PTP4A3: variants seen among roughly 807,000 people sequenced by gnomAD.
PTP4A3 encodes the protein protein tyrosine phosphatase 4A3.
PTP4A3 carries 9 observed loss-of-function variants against 15.2 expected under a neutral mutation model. That is an observed-to-expected ratio of 0.59 (90% CI 0.36 to 1.03). The LOEUF is 1.03. Among genes scored for constraint, PTP4A3 ranks in the 50% least tolerant of loss-of-function variants. The pLI, the probability that PTP4A3 is intolerant of heterozygous loss-of-function variation, is 0.02. For missense variants in PTP4A3, 234 were observed against 252.1 expected, an observed-to-expected ratio of 0.93 and a Z score of 0.49; for synonymous variants, 95 against 102.0, an observed-to-expected ratio of 0.93 and a Z score of 0.41.
chr8:141,403,394 G>A (rs1427823775), intron 1 of PTP4A3, among the ~76,000 whole-genome samples: 1 of 152,186 alleles, frequency 6.6e-6, no homozygotes, highest in African/African-American at 2.4e-5. Flanking sequence ...GGCCTGGCTG[G>A]GCCCAGGCTG....
At chr8:141,418,054 C>T (rs1227032389) in intron 1 of PTP4A3, among the ~76,000 whole-genome samples, 3 of 152,042 alleles carry the variant, frequency 2.0e-5, no homozygotes, top group Non-Finnish European at 4.4e-5. Flanking sequence ...CGGACCCAGG[C>T]CTTCCGGGAC....
intron 1 of PTP4A3, among the ~76,000 whole-genome samples, chr8:141,409,910 C>T (rs1832823753): frequency 6.6e-6 from 1 of 152,250 alleles, no homozygotes; most frequent in Non-Finnish European, 1.5e-5. Flanking sequence ...CTGCCACCCA[C>T]CTGGGCTGGG....
chr8:141,428,006 A>G (rs1162319399), intron 5 of PTP4A3, among the ~76,000 whole-genome samples, 182 bp downstream of exon 5: 1 of 152,096 alleles, frequency 6.6e-6, no homozygotes, highest in Non-Finnish European at 1.5e-5. Context: ...TGGGGACAGC[A>G]GCCCCCGAGT....
intron 1 of PTP4A3, among the ~76,000 whole-genome samples, chr8:141,410,795 A>G (rs1330410032): frequency 1.3e-5 from 2 of 152,154 alleles, no homozygotes; most frequent in African/African-American, 2.4e-5. Flanking sequence ...CAGGTCACAC[A>G]GCCCTGTGTG....
At chr8:141,398,253 T>C (rs1292773498) in intron 1 of PTP4A3, among the ~76,000 whole-genome samples, 2 of 152,218 alleles carry the variant, frequency 1.3e-5, no homozygotes, top group African/African-American at 4.8e-5. Context: ...GTCTCTGCTC[T>C]GCACTTGCCA....
chr8:141,430,788 G>A, intron 5 of PTP4A3, 139 bp from the exon 6 acceptor site: 1 of 739,230 alleles, frequency 1.4e-6, no homozygotes, highest in Non-Finnish European at 2.3e-6. Flanking sequence ...CCGTGCCAAG[G>A]CCCTGGGACA....
At chr8:141,427,142 T>C in intron 4 of PTP4A3, 73 bp downstream of exon 4, 1 of 1,562,434 alleles carries the variant, frequency 6.4e-7, no homozygotes, top group Admixed American at 1.7e-5. Context: ...GCCTCGCTTT[T>C]GGATGTGGGT....
chr8:141,395,466 A>G (rs1832420953), intron 1 of PTP4A3, among the ~76,000 whole-genome samples: 1 of 152,136 alleles, frequency 6.6e-6, no homozygotes, highest in Non-Finnish European at 1.5e-5. Flanking sequence ...GGATGACCAC[A>G]TGGCTCAGGG....
At chr8:141,427,204 G>T in intron 4 of PTP4A3, 135 bp downstream of exon 4, 1 of 1,301,140 alleles carries the variant, frequency 7.7e-7, no homozygotes, top group East Asian at 2.6e-5. Context: ...CCCTAGTGCT[G>T]GGGCTCCCAG....
In PTP4A3 at chr8:141,425,106, A is replaced by C. The variant is rs752944011; in HGVS notation, c.164A>C (p.Lys55Thr). Reference sequence around the variant, plus strand: ...CGTGTGTGTGAAGTGACCTATGACAAAACGCCGCTGGAGAAGGATGGCATC... The same window carrying C: ...CGTGTGTGTGAAGTGACCTATGACACAACGCCGCTGGAGAAGGATGGCATC... ...VVRVCEVTYD[K>T]TPLEKDGITV... is the part of the protein sequence containing the mutation. Residue 55 changes from lysine to threonine, a missense_variant, in exon 3 of 6, where the codon AAA becomes ACA. By Grantham distance (78) the Lys-to-Thr change is moderately conservative. Coordinates refer to ENST00000521578, the MANE Select transcript of PTP4A3 (RefSeq NM_032611.3). This position sits in a 1 kb window ranked among gnomAD's most constrained non-coding sequence, Gnocchi z 4.2. The C allele has an allele frequency of 1.3e-6, 2 of 1,597,258 alleles. No individual in the cohort carries two copies. The highest frequency in any genetic ancestry group is 2.2e-5 in the South Asian group (2 of 90,784).
At chr8:141,405,405 A>G (rs1018391712) in intron 1 of PTP4A3, among the ~76,000 whole-genome samples, 1 of 152,172 alleles carries the variant, frequency 6.6e-6, no homozygotes, top group Admixed American at 6.5e-5. Context: ...GGTCGGAGCC[A>G]GTTTTCCCCA....
intron 1 of PTP4A3, among the ~76,000 whole-genome samples, chr8:141,399,314 T>C (rs1007547822): frequency 3.9e-5 from 6 of 152,206 alleles, no homozygotes; most frequent in Admixed American, 6.5e-5. Context: ...TCTTCTCCTT[T>C]AATCTCCCCG....
chr8:141,396,567 C>A (rs1184384599), intron 1 of PTP4A3, among the ~76,000 whole-genome samples: 2 of 152,070 alleles, frequency 1.3e-5, no homozygotes, highest in Non-Finnish European at 2.9e-5. Flanking sequence ...CCACTGGGAA[C>A]AGGACAGTCC....
At chr8:141,421,089 CG>C (rs909920796) in intron 1 of PTP4A3, among the ~76,000 whole-genome samples, 3 of 152,162 alleles carry the variant, frequency 2.0e-5, no homozygotes, top group Admixed American at 2.0e-4. Flanking sequence ...ATCATGTCCT[CG>C]GGGGTGTGTG....
At chr8:141,392,957 G>A (rs1832333554) in intron 1 of PTP4A3, among the ~76,000 whole-genome samples, 1 of 152,160 alleles carries the variant, frequency 6.6e-6, no homozygotes, top group South Asian at 2.1e-4. Flanking sequence ...CTGCCTGCGG[G>A]CTCTGGGGTG....
intron 5 of PTP4A3, 25 bp from the exon 6 acceptor site, chr8:141,430,902 T>C (rs772970836): frequency 6.2e-7 from 1 of 1,610,024 alleles, no homozygotes; most frequent in East Asian, 2.2e-5. Context: ...TTGGATGATC[T>C]CTGTTCCTGT....
chr8:141,410,818 A>G (rs187232364), intron 1 of PTP4A3, among the ~76,000 whole-genome samples: 1 of 152,278 alleles, frequency 6.6e-6, no homozygotes, highest in Admixed American at 6.5e-5. Context: ...GACAGTGGCC[A>G]TGGGCTGAGC....
At chr8:141,426,797 G>A in intron 3 of PTP4A3, 142 bp from the exon 4 acceptor site, 3 of 1,425,476 alleles carry the variant, frequency 2.1e-6, no homozygotes, top group Non-Finnish European at 9.4e-7. Context: ...CCCCTCCTGT[G>A]TGCCCTCTGG....
intron 2 of PTP4A3, among the ~76,000 whole-genome samples, chr8:141,423,750 T>C (rs2130207381): frequency 6.7e-6 from 1 of 148,566 alleles, no homozygotes; most frequent in East Asian, 2.0e-4. Context: ...AAGATCAGGG[T>C]TCAGTGTGTG....
Sources: allele counts gnomAD v4.1 joint callset (sites outside exome capture counted in the v4.1 genomes callset), GRCh38; gene constraint gnomAD v4.1.1; non-coding constraint Gnocchi (gnomAD v3.1); transcripts MANE v1.5; gene names NCBI Gene and HGNC (gene_info 2026-07-23, HGNC 2026-07-21).